The following NOC2L variants were observed in gnomAD, a reference collection of about 807,000 sequenced individuals.
NOC2L encodes NOC2 like nucleolar associated transcriptional repressor, also known as nucleolar complex protein 2 homolog.
Under a neutral mutation model 94.2 loss-of-function variants are expected in NOC2L, and 101 were observed. The ratio of observed to expected loss-of-function variants is 1.07; its 90% CI spans 0.91 to 1.26. The LOEUF (loss-of-function observed/expected upper bound fraction) is 1.26. Among genes scored for constraint, NOC2L ranks in the 50% most tolerant of loss-of-function variants. The pLI is 0.00. For synonymous variants in NOC2L, 531 were observed against 413.4 expected, an observed-to-expected ratio of 1.28 and a Z score of -3.45; for missense variants, 1,076 against 980.1, an observed-to-expected ratio of 1.10 and a Z score of -1.31.
At chr1:954,294 G>A (rs1195039297) in intron 6 of NOC2L, 3 of 538,670 alleles carry the variant, frequency 5.6e-6, no homozygotes, top group African/African-American at 3.8e-5. Flanking sequence ...CTCCTTCAGT[G>A]GCCTTGAACT....
At position 944,395 on chromosome 1, in the gene NOC2L, C is replaced by A; in HGVS notation, c.*299G>T. ...CAGAGGTGGTGGAAGGGGCCAGGGG[C>A]CTGCAGGCCTCCCCCTGGAACTGGG... On this transcript the variant is annotated 3_prime_UTR_variant, in exon 19 of 19. Coordinates refer to ENST00000327044, the MANE Select transcript of NOC2L (RefSeq NM_015658.4). 4 of 1,252,892 alleles carry A rather than the reference C, an allele frequency of 3.2e-6. No homozygotes were observed. The highest frequency in any genetic ancestry group is 4.1e-6 in the Non-Finnish European group (4 of 965,490). 77.6% of individuals were successfully genotyped at this position (1,252,892 alleles called of 1,614,324 possible). A position where few individuals can be genotyped will look rare whatever the true frequency, so the allele number is the denominator to read the frequency against.
rs367879728 is a variant in NOC2L at position 958,737 on chromosome 1, C to T, written c.179+192G>A. 3.3e-5 allele frequency: 24 copies of T among 717,744 alleles called. No individual in the cohort carries two copies. The South Asian group carries it at 3.4e-4, about 10-fold the overall frequency. 44.5% of individuals were successfully genotyped at this position (717,744 alleles called of 1,614,324 possible). A position where few individuals can be genotyped will look rare whatever the true frequency, so the allele number is the denominator to read the frequency against. ...ACAACTCACCAACATACGCTCCCTG[C>T]CTAGGACAGAGTTTGGCACGGAACA... On this transcript the variant is annotated intron_variant, in intron 2 of 18. Transcript: ENST00000327044.
chr1:957,111 T>G lies in NOC2L; in HGVS notation c.342A>C (p.Pro114=), dbSNP rs1411846312. The G allele has an allele frequency of 6.2e-7, 1 of 1,614,054 alleles. No homozygotes were observed. The highest frequency in any genetic ancestry group is 1.1e-5 in the South Asian group (1 of 91,090). The change falls in exon 3 of 19, where the codon CCA becomes CCC. Residue 114 remains proline, a synonymous_variant. Coordinates refer to ENST00000327044, the MANE Select transcript of NOC2L (RefSeq NM_015658.4). ...EEEEGPFHSL[P]DVLEEASEEE... ...CCCACGCCCTCACCTCCAGCACATC[T>G]GGCAGGGAGTGGAACGGCCCCTCTT...
chr1:946,150 C>CA, intron 16 of NOC2L, 23 bp downstream of exon 16: 1 of 1,544,228 alleles, frequency 6.5e-7, no homozygotes, highest in Non-Finnish European at 8.9e-7. Context: ...AACACACCCC[C>CA]AGGTCCCCTC....
intron 10 of NOC2L, 120 bp downstream of exon 10, chr1:952,292 A>T: frequency 7.1e-7 from 1 of 1,418,236 alleles, no homozygotes; most frequent in Non-Finnish European, 9.7e-7. Flanking sequence ...CGACTGCACC[A>T]GGGTGCTGGG....
chr1:956,818 C>A, intron 4 of NOC2L, 76 bp downstream of exon 4: 1 of 1,592,598 alleles, frequency 6.3e-7, no homozygotes. Context: ...CCGCCCCTCG[C>A]TGCTGCTCAC....
intron 2 of NOC2L, chr1:958,553 G>C: frequency 2.3e-6 from 1 of 426,808 alleles, no homozygotes; most frequent in Non-Finnish European, 4.6e-6. Context: ...CACAGCCTCC[G>C]CTCCTTCTAA....
At chr1:946,589 A>G in intron 14 of NOC2L, 44 bp from the exon 15 acceptor site, 1 of 1,595,040 alleles carries the variant, frequency 6.3e-7, no homozygotes, top group Non-Finnish European at 8.6e-7. Flanking sequence ...GGACCGCTCC[A>G]TGTGCACAGC....
At chr1:954,842 AAAAC>A (rs1642360072) in intron 6 of NOC2L, among the ~76,000 whole-genome samples, 1 of 152,104 alleles carries the variant, frequency 6.6e-6, no homozygotes, top group Non-Finnish European at 1.5e-5. Context: ...AAAAAAACCA[AAAAC>A]CAAACAAACA....
intron 17 of NOC2L, 133 bp from the exon 18 acceptor site, chr1:945,279 C>T (rs1048620397): frequency 1.2e-5 from 15 of 1,216,068 alleles, no homozygotes; most frequent in Non-Finnish European, 1.6e-5. Context: ...GGAGAGGAGC[C>T]CTGGGGAGGA....
chr1:950,091 C>A (rs909160590), intron 12 of NOC2L, among the ~76,000 whole-genome samples: 1 of 152,230 alleles, frequency 6.6e-6, no homozygotes, highest in South Asian at 2.1e-4. Flanking sequence ...CAGGTACACA[C>A]AGGCGCACAC....
rs1411339171 is a variant in NOC2L, at chr1:953,634, G to A, written c.888+148C>T. On this transcript the variant is annotated intron_variant, in intron 8 of 18. Transcript: ENST00000327044. Reference sequence around the variant, plus strand: ...ACAGAAACCCCAGGTGGGGGTGGGGGCCAGGTGCTTCTGTGGCCTCTCTAG... The same window carrying A: ...ACAGAAACCCCAGGTGGGGGTGGGGACCAGGTGCTTCTGTGGCCTCTCTAG... 1.5e-5 allele frequency: 10 copies of A among 651,526 alleles called. No individual in the cohort carries two copies. In the Admixed American group the frequency reaches 2.1e-4, roughly 14 times the overall value. 40.4% of individuals were successfully genotyped at this position (651,526 alleles called of 1,614,324 possible).
chr1:955,146 TC>T (rs997976569), intron 6 of NOC2L, among the ~76,000 whole-genome samples: 36 of 152,318 alleles, frequency 2.4e-4, no homozygotes, highest in African/African-American at 8.2e-4. Flanking sequence ...TCGCTGCCTG[TC>T]CCTCCACCCC....
intron 8 of NOC2L, 89 bp from the exon 9 acceptor site, chr1:953,377 G>A: frequency 1.3e-6 from 1 of 749,654 alleles, no homozygotes; most frequent in Non-Finnish European, 2.3e-6. Context: ...GCCAGGCAAA[G>A]GCTCCCATGG....
rs757397450 is a variant in NOC2L at position 948,244 on chromosome 1, G to A, written c.1558-12C>T. On this transcript the variant is annotated splice_polypyrimidine_tract_variant and intron_variant, in intron 13 of 18. Transcript: ENST00000327044. ...TCCACCAGGCCGTCCTGAAGAGCAG[G>A]AGAGAGGGCCGAGTGCATCAGGGAG... 8.9e-6 allele frequency: 14 copies of A among 1,568,050 alleles called. No homozygotes were observed. Among genetic ancestry groups the A allele is most frequent in the African/African-American group, 8.1e-5 (6 of 73,924 alleles).
chr1:950,464 T>C (rs545569677), intron 12 of NOC2L, among the ~76,000 whole-genome samples: 3 of 151,182 alleles, frequency 2.0e-5, no homozygotes, highest in East Asian at 2.0e-4. Flanking sequence ...CGCATGTGCA[T>C]GCATACAGGT....
chr1:956,179 G>A lies in NOC2L; in HGVS notation c.523C>T (p.Gln175Ter). The change falls in exon 5 of 19, where the codon CAG becomes TAG. Residue 175 changes from glutamine (Q) to a stop codon, truncating the protein, a stop_gained. Coordinates refer to ENST00000327044, the MANE Select transcript of NOC2L (RefSeq NM_015658.4). LOFTEE classifies it high-confidence loss of function. Reference sequence around the variant, plus strand: ...GTGGCCACAGCTGCTCGGAACGCCTGTACCACTTCATGGAACAGCTTTGGA... The same window carrying A: ...GTGGCCACAGCTGCTCGGAACGCCTATACCACTTCATGGAACAGCTTTGGA... Reference protein sequence around the residue: ...LTPKLFHEVVQAFRAAVATTR... With the variant: ...LTPKLFHEVV 3 of 1,613,904 alleles carry A rather than the reference G, an allele frequency of 1.9e-6. No homozygotes were observed. Among genetic ancestry groups the A allele is most frequent in the Non-Finnish European group, 2.5e-6 (3 of 1,179,992 alleles).
rs201273917 is a variant in NOC2L at position 952,541 on chromosome 1, G to A, written c.1062C>T (p.Phe354=). 1.9e-5 allele frequency: 31 copies of A among 1,613,816 alleles called. No individual in the cohort carries two copies. The South Asian group carries it at 2.7e-4, about 14-fold the overall frequency. ...CKFTSPGALP[F]ISFMQWTLTE... Reference sequence around the variant, plus strand: ...TCAAGGTCCACTGCATGAAACTGATGAAGGGGAGGGCACCAGGCGAGGTGA... The same window carrying A: ...TCAAGGTCCACTGCATGAAACTGATAAAGGGGAGGGCACCAGGCGAGGTGA... The change falls in exon 10 of 19, where the codon TTC becomes TTT. Residue 354 remains phenylalanine, a synonymous_variant. Transcript: ENST00000327044.
chr1:945,207 C>G, intron 17 of NOC2L, 61 bp from the exon 18 acceptor site: 1 of 1,537,694 alleles, frequency 6.5e-7, no homozygotes, highest in Non-Finnish European at 8.8e-7. Context: ...AGCAAAGTCA[C>G]AGTGGGGGCA....
Sources: gnomAD v4.1 joint callset for allele counts (sites outside exome capture counted in the v4.1 genomes callset) on GRCh38, gnomAD v4.1.1 for gene constraint, MANE v1.5 for transcripts, NCBI Gene and HGNC (gene_info 2026-07-23, HGNC 2026-07-21) for gene names.